RANGAP1: variants seen among roughly 807,000 people sequenced by gnomAD.
The protein encoded by RANGAP1 is Ran GTPase activating protein 1.
In RANGAP1, 38 loss-of-function variants were observed where a neutral mutation model predicts 63.5. The observed-to-expected ratio is 0.60, with a 90% CI of 0.46 to 0.78. The LOEUF is 0.78. RANGAP1 is among the 30% of genes least tolerant of loss of function. The pLI is 0.00. For missense variants in RANGAP1, 630 were observed against 740.3 expected (o/e 0.85, Z 1.73); for synonymous variants, 329 against 310.5 (o/e 1.06, Z -0.63).
In RANGAP1 at chr22:41,246,684, GAGGGGTCAGC is replaced by G. The variant is rs750165674; in HGVS notation, c.1695-22_1695-13del. On this transcript the variant is annotated splice_polypyrimidine_tract_variant and intron_variant, in intron 15 of 15. Coordinates refer to ENST00000356244, the MANE Select transcript of RANGAP1 (RefSeq NM_002883.4). ...GGGCGCTGTTGGGCCTGCGGGGAAA[GAGGGGTCAGC>G]AGGTCGGTGGATGCCTCTTGGCCTG... The G allele has an allele frequency of 6.4e-7, 1 of 1,555,828 alleles. No homozygotes were observed. The highest frequency in any genetic ancestry group is 2.4e-5 in the East Asian group (1 of 42,402).
At chr22:41,250,227 G>T (rs947158783) in intron 13 of RANGAP1, among the ~76,000 whole-genome samples, 2 of 152,198 alleles carry the variant, frequency 1.3e-5, no homozygotes, top group Admixed American at 1.3e-4. Flanking sequence ...AGGGCAACTT[G>T]TTCCCAAAAA....
chr22:41,286,151 A>T lies in RANGAP1; in HGVS notation c.-204T>A, dbSNP rs1209327798. 6.6e-6 allele frequency: 1 copy of T among 152,328 alleles called. No individual in the cohort carries two copies. The highest frequency in any genetic ancestry group is 1.5e-5 in the Non-Finnish European group (1 of 68,098). 9.4% of individuals were successfully genotyped at this position (152,328 alleles called of 1,614,324 possible). A position where few individuals can be genotyped will look rare whatever the true frequency, so the allele number is the denominator to read the frequency against. On this transcript the variant is annotated 5_prime_UTR_variant, in exon 1 of 16. Coordinates refer to ENST00000356244, the MANE Select transcript of RANGAP1 (RefSeq NM_002883.4). ...TTAGCTCTCTCGAGCTCCCGGCCTC[A>T]CGCGCTTCCAGCACCACCTGCTCTC...
chr22:41,301,605 T>C, the RANGAP1 span: 2 of 152,276 alleles, frequency 1.3e-5, no homozygotes, highest in South Asian at 2.1e-4. Context: ...CAGAGCCACA[T>C]GGACGGAGCT....
chr22:41,285,092 G>A (rs969765401), intron 1 of RANGAP1: 29 of 152,136 alleles, frequency 1.9e-4, no homozygotes, highest in Admixed American at 1.8e-3. Context: ...GGAAGCCGAC[G>A]CTGCAGTTCA....
chr22:41,274,064 T>A (rs142257058), intron 3 of RANGAP1, among the ~76,000 whole-genome samples: 153 of 152,096 alleles, frequency 1.0e-3, no homozygotes, highest in African/African-American at 3.5e-3. Flanking sequence ...GACGACAGAG[T>A]GAGACTCCGT....
chr22:41,284,564 T>A (rs1470910550), intron 1 of RANGAP1, among the ~76,000 whole-genome samples: 1 of 146,144 alleles, frequency 6.8e-6, no homozygotes, highest in Non-Finnish European at 1.5e-5. Context: ...TGAAACTCCG[T>A]CTCAAAAAAA....
chr22:41,296,720 A>G, the RANGAP1 span, among the ~76,000 whole-genome samples: 1 of 152,144 alleles, frequency 6.6e-6, no homozygotes, highest in Non-Finnish European at 1.5e-5. Flanking sequence ...CAGTGACCCT[A>G]TATTAGAGTT....
In RANGAP1 at chr22:41,261,904, T is replaced by A. The variant is rs374381880; in HGVS notation, c.481-324A>T. Among the ~76,000 whole-genome samples the A allele has an allele frequency of 2.6e-5, 4 of 152,316 alleles. No individual in the cohort carries two copies. In the South Asian group the frequency reaches 6.2e-4, roughly 24 times the overall value. On this transcript the variant is annotated intron_variant, in intron 5 of 15. Transcript: ENST00000356244. The stretch of plus-strand genomic sequence containing the variant: ...AGCCAGGTCCAGGGGAAGGACTTCC[T>A]AGTCAGCTCACTTCACTGTCTAAGG...
chr22:41,281,720 G>C, intron 1 of RANGAP1: 1 of 851,368 alleles, frequency 1.2e-6, no homozygotes, highest in Non-Finnish European at 1.4e-6. Flanking sequence ...ATAGGACAGG[G>C]ACAGGGCTGC....
At chr22:41,247,057 CTTTT>C (rs1272495463) in intron 15 of RANGAP1, among the ~76,000 whole-genome samples, 1 of 151,800 alleles carries the variant, frequency 6.6e-6, no homozygotes, top group African/African-American at 2.4e-5. Context: ...TTTTCTTTTT[CTTTT>C]TCTTTTTTTT....
At chr22:41,277,909 T>C (rs1462900408) in intron 2 of RANGAP1, among the ~76,000 whole-genome samples, 2 of 152,188 alleles carry the variant, frequency 1.3e-5, no homozygotes, top group Non-Finnish European at 2.9e-5. Context: ...TATTCCAGAT[T>C]TGCTGCTTCT....
intron 2 of RANGAP1, among the ~76,000 whole-genome samples, chr22:41,275,896 T>C (rs1241517833): frequency 2.6e-5 from 4 of 151,688 alleles, no homozygotes; most frequent in Admixed American, 2.0e-4. Flanking sequence ...CAATGAGCCA[T>C]GATCATGCCA....
intron 2 of RANGAP1, among the ~76,000 whole-genome samples, chr22:41,275,743 C>T (rs960120276): frequency 6.6e-6 from 1 of 151,482 alleles, no homozygotes; most frequent in Non-Finnish European, 1.5e-5. Flanking sequence ...CACACCACTA[C>T]ACTCTAGCCT....
upstream of RANGAP1, chr22:41,286,188 G>A (rs1455673495): frequency 6.6e-5 from 10 of 152,356 alleles, no homozygotes; most frequent in African/African-American, 2.2e-4. Flanking sequence ...GCACCGCGGC[G>A]GATGATGGCG....
intron 2 of RANGAP1, among the ~76,000 whole-genome samples, chr22:41,276,562 C>G (rs2035156621): frequency 6.6e-6 from 1 of 152,070 alleles, no homozygotes; most frequent in South Asian, 2.1e-4. Context: ...TTGCTTGAAC[C>G]TGGGAGGCAG....
At chr22:41,254,174 A>G (rs752607543) in intron 11 of RANGAP1, 134 bp downstream of exon 11, 10 of 916,440 alleles carry the variant, frequency 1.1e-5, no homozygotes, top group Non-Finnish European at 1.7e-5. Flanking sequence ...TTTTTACTCA[A>G]TATCATGCAA....
In RANGAP1 at chr22:41,274,541, G is replaced by A. The variant is rs866368244; in HGVS notation, c.240+59C>T. ...AGACTGGACACAGGCAGGGGTTGTG[G>A]AAGTGTGAACAGAAGCTTGTTCAAA... is the stretch of plus-strand genomic sequence containing the variant. On this transcript the variant is annotated intron_variant, in intron 3 of 15. Coordinates refer to ENST00000356244, the MANE Select transcript of RANGAP1 (RefSeq NM_002883.4). 3.2e-5 allele frequency: 52 copies of A among 1,601,280 alleles called. No individual in the cohort carries two copies. In the Middle Eastern group the frequency reaches 7.9e-4, roughly 24 times the overall value.
At chr22:41,294,495 C>A in the RANGAP1 span, among the ~76,000 whole-genome samples, 2 of 146,016 alleles carry the variant, frequency 1.4e-5, no homozygotes, top group Non-Finnish European at 3.0e-5. Flanking sequence ...AGTGAGGAGC[C>A]TCTCTGCCTG....
chr22:41,268,817 G>A (rs1221774652), intron 3 of RANGAP1, among the ~76,000 whole-genome samples: 1 of 152,054 alleles, frequency 6.6e-6, no homozygotes, highest in East Asian at 2.0e-4. Flanking sequence ...CACTTTGGGA[G>A]GCCGAGGCGG....
Sources: gnomAD v4.1 joint callset for allele counts (sites outside exome capture counted in the v4.1 genomes callset) on GRCh38, gnomAD v4.1.1 for gene constraint, MANE v1.5 for transcripts, NCBI Gene and HGNC (gene_info 2026-07-23, HGNC 2026-07-21) for gene names.